GPC6: variants seen among roughly 807,000 people sequenced by gnomAD.
GPC6 encodes glypican-6.
In GPC6, 14 loss-of-function variants were observed where a neutral mutation model predicts 55.2. That is an observed-to-expected ratio of 0.25 (90% CI 0.17 to 0.40). The LOEUF is 0.40. GPC6 is among the 10% of genes least tolerant of loss of function. The probability of loss-of-function intolerance (pLI) is 1.00; values close to 1 mark genes in which losing one functional copy is unlikely to be tolerated. For synonymous variants in GPC6, 278 were observed against 259.6 expected (o/e 1.07, Z -0.68); for missense variants, 641 against 708.5 (o/e 0.90, Z 1.08).
intron 2 of GPC6, among the ~76,000 whole-genome samples, chr13:93,762,649 C>T (rs377703697): frequency 6.6e-6 from 1 of 152,066 alleles, no homozygotes; most frequent in Non-Finnish European, 1.5e-5. Flanking sequence ...TTGGCTGTCA[C>T]CTTTAAGGAA....
intron 2 of GPC6, among the ~76,000 whole-genome samples, chr13:93,646,019 A>G (rs140323636): frequency 2.0e-5 from 3 of 152,258 alleles, no homozygotes; most frequent in African/African-American, 4.8e-5. Flanking sequence ...GCCCTTTAGA[A>G]ATTTTACCAT....
At chr13:93,384,781 G>A (rs1875328995) in intron 1 of GPC6, among the ~76,000 whole-genome samples, 1 of 152,236 alleles carries the variant, frequency 6.6e-6, no homozygotes, top group African/African-American at 2.4e-5. Context: ...CAAGTTGGGA[G>A]TGTTGTTCCT....
chr13:93,347,297 A>G (rs1465873362), intron 1 of GPC6, among the ~76,000 whole-genome samples: 1 of 152,224 alleles, frequency 6.6e-6, no homozygotes, highest in Non-Finnish European at 1.5e-5. Flanking sequence ...GAAAGAAATA[A>G]TGTCTTCATG....
chr13:93,952,443 A>C (rs1311280502), intron 3 of GPC6, among the ~76,000 whole-genome samples: 1 of 152,094 alleles, frequency 6.6e-6, no homozygotes, highest in Non-Finnish European at 1.5e-5. Context: ...CTTGAGTTTT[A>C]ATTTCCTTAT....
chr13:94,034,286 G>C (rs982367801), intron 4 of GPC6, among the ~76,000 whole-genome samples: 2 of 151,628 alleles, frequency 1.3e-5, no homozygotes, highest in African/African-American at 4.8e-5. Context: ...GCACCCAACA[G>C]CCTGTCGCTG....
intron 2 of GPC6, among the ~76,000 whole-genome samples, chr13:93,758,425 T>C (rs1382501214): frequency 1.1e-4 from 17 of 152,154 alleles, no homozygotes; most frequent in Admixed American, 1.1e-3. Context: ...GTCTTTCCTC[T>C]CTCTCCCTGT....
At chr13:93,640,705 A>C (rs1594334285) in intron 2 of GPC6, among the ~76,000 whole-genome samples, 1 of 91,312 alleles carries the variant, frequency 1.1e-5, no homozygotes, top group Non-Finnish European at 2.2e-5. Flanking sequence ...GTTTCCCCTC[A>C]GTCCTCCCTC....
intron 1 of GPC6, among the ~76,000 whole-genome samples, chr13:93,393,106 T>TTA (rs1340464707): frequency 1.2e-5 from 1 of 83,926 alleles, no homozygotes; most frequent in African/African-American, 5.5e-5. Context: ...TATGTATATT[T>TTA]GATATATATA....
rs117547229 is a variant in GPC6, at chr13:94,196,379, T to C, written c.878-89970T>C. ...AAGCGCATGCTATATAAAGATGTTA[T>C]ATTGTAGCTGAACTTCATGTTAACT... On this transcript the variant is annotated intron_variant, in intron 4 of 8. Coordinates refer to ENST00000377047, the MANE Select transcript of GPC6 (RefSeq NM_005708.5). 6.3e-3 allele frequency among the ~76,000 whole-genome samples: 956 copies of C among 152,312 alleles called. 7 individuals carry two copies. Among genetic ancestry groups the C allele is most frequent in the Non-Finnish European group, 0.01 (702 of 68,036 alleles).
chr13:94,126,528 C>G (rs886788573), intron 4 of GPC6, among the ~76,000 whole-genome samples: 1 of 152,070 alleles, frequency 6.6e-6, no homozygotes, highest in African/African-American at 2.4e-5. Flanking sequence ...AGTTGAACTG[C>G]CAATTTGTTT....
intron 2 of GPC6, among the ~76,000 whole-genome samples, chr13:93,717,664 G>T (rs1883297745): frequency 6.6e-6 from 1 of 151,710 alleles, no homozygotes; most frequent in African/African-American, 2.4e-5. Flanking sequence ...TGCAGAATGT[G>T]CAGGTTTGTT....
chr13:93,820,957 C>A (rs574016538), intron 2 of GPC6, among the ~76,000 whole-genome samples: 4 of 152,090 alleles, frequency 2.6e-5, no homozygotes, highest in Admixed American at 2.6e-4. Context: ...AGAAAAGGAA[C>A]TTTTATTCTA....
intron 4 of GPC6, among the ~76,000 whole-genome samples, chr13:94,054,151 G>T (rs1488465886): frequency 6.6e-6 from 1 of 152,196 alleles, no homozygotes; most frequent in Non-Finnish European, 1.5e-5. Context: ...TCAAAGAAGA[G>T]GGGACTCTAA....
intron 1 of GPC6, among the ~76,000 whole-genome samples, chr13:93,406,885 C>G (rs935584802): frequency 2.6e-5 from 4 of 151,912 alleles, no homozygotes; most frequent in Non-Finnish European, 5.9e-5. Context: ...TCATGAAAGA[C>G]AAGACAAAAG....
chr13:93,883,563 A>C (rs1388877250), intron 3 of GPC6, among the ~76,000 whole-genome samples: 2 of 151,778 alleles, frequency 1.3e-5, no homozygotes, highest in East Asian at 4.1e-4. Context: ...AGTGATGTTG[A>C]GCATTTTTTC....
chr13:93,707,242 G>A (rs1882884900), intron 2 of GPC6, among the ~76,000 whole-genome samples: 1 of 151,776 alleles, frequency 6.6e-6, no homozygotes, highest in East Asian at 2.0e-4. Flanking sequence ...TTTGGAGGGT[G>A]GAGGGTGAGA....
At chr13:93,216,747 G>T in the GPC6 span, among the ~76,000 whole-genome samples, 1 of 152,142 alleles carries the variant, frequency 6.6e-6, no homozygotes, top group Non-Finnish European at 1.5e-5. Flanking sequence ...CTCTCTCTGG[G>T]AAGGCAGGTA....
intron 3 of GPC6, among the ~76,000 whole-genome samples, chr13:93,878,426 G>C (rs778213390): frequency 6.6e-6 from 1 of 151,966 alleles, no homozygotes; most frequent in Non-Finnish European, 1.5e-5. Context: ...ATCCAGGCTG[G>C]AGTGCAGTGG....
At chr13:94,318,998 ATAGC>A (rs1876684093) in intron 6 of GPC6, among the ~76,000 whole-genome samples, 1 of 152,156 alleles carries the variant, frequency 6.6e-6, no homozygotes, top group Non-Finnish European at 1.5e-5. Context: ...TAAACATCAC[ATAGC>A]TAGATTTATT....
Sources: allele counts gnomAD v4.1 joint callset (sites outside exome capture counted in the v4.1 genomes callset), GRCh38; gene constraint gnomAD v4.1.1; transcripts MANE v1.5; gene names NCBI Gene and HGNC (gene_info 2026-07-23, HGNC 2026-07-21).